The following SMCHD1 variants were observed in gnomAD, a reference collection of about 807,000 sequenced individuals.
SMCHD1 encodes structural maintenance of chromosomes flexible hinge domain-containing protein 1.
A neutral mutation model predicts 254.7 loss-of-function variants in SMCHD1; 78 were observed. The ratio of observed to expected loss-of-function variants is 0.31; its 90% CI spans 0.26 to 0.37. SMCHD1 has a LOEUF of 0.37. Among genes scored for constraint, SMCHD1 ranks in the 10% least tolerant of loss-of-function variants. The pLI is 1.00. For synonymous variants in SMCHD1, 766 were observed against 794.9 expected (o/e 0.96, Z 0.61); for missense variants, 1,840 against 2,408.1 (o/e 0.76, Z 4.94).
At chr18:2,669,635 A>G (rs1477202105) in intron 3 of SMCHD1, among the ~76,000 whole-genome samples, 2 of 152,184 alleles carry the variant, frequency 1.3e-5, no homozygotes, top group Non-Finnish European at 2.9e-5. Context: ...TAACATCATT[A>G]CAGAAGTGAC....
At chr18:2,790,781 A>G (rs1317750914) in intron 45 of SMCHD1, among the ~76,000 whole-genome samples, 1 of 152,212 alleles carries the variant, frequency 6.6e-6, no homozygotes, top group African/African-American at 2.4e-5. Context: ...ATACCACAGT[A>G]CAGGTAGAAG....
intron 12 of SMCHD1, among the ~76,000 whole-genome samples, chr18:2,701,702 T>G (rs1412877102): frequency 6.6e-6 from 1 of 152,228 alleles, no homozygotes; most frequent in Non-Finnish European, 1.5e-5. Context: ...AAGAATGATT[T>G]CACTTTGAAA....
chr18:2,781,832 G>A (rs1244996703), intron 44 of SMCHD1, among the ~76,000 whole-genome samples: 2 of 152,154 alleles, frequency 1.3e-5, no homozygotes, highest in Admixed American at 6.6e-5. Flanking sequence ...AAAATGGAAT[G>A]TAAGACAAAG....
intron 4 of SMCHD1, 62 bp downstream of exon 4, chr18:2,673,425 T>C: frequency 8.9e-6 from 10 of 1,129,414 alleles, no homozygotes; most frequent in Non-Finnish European, 1.1e-5. Flanking sequence ...TAAAAGTTTA[T>C]TGGAGAAAAT....
Position 2,747,604 on chromosome 18 carries a change from TACA to T in SMCHD1, c.3888_3890del (p.Gln1296del). The T allele has an allele frequency of 6.2e-7, 1 of 1,607,492 alleles. No individual in the cohort carries two copies. The highest frequency in any genetic ancestry group is 8.5e-7 in the Non-Finnish European group (1 of 1,176,146). On this transcript the variant is annotated inframe_deletion, in exon 30 of 48. Coordinates refer to ENST00000320876, the MANE Select transcript of SMCHD1 (RefSeq NM_015295.3). The stretch of plus-strand genomic sequence containing the variant: ...GATCAGTGGGATAATCCAGCACCGG[TACA>T]ACATGTTAAAATAAGTCTTACAAAA...
intron 25 of SMCHD1, among the ~76,000 whole-genome samples, chr18:2,734,921 T>G (rs2075217997): frequency 6.6e-6 from 1 of 151,410 alleles, no homozygotes; most frequent in Non-Finnish European, 1.5e-5. Context: ...AATACAAAAA[T>G]TTAGCCAGGC....
chr18:2,747,602 G>C lies in SMCHD1; in HGVS notation c.3882G>C (p.Pro1294=). 1 of 1,606,570 alleles carries C rather than the reference G, an allele frequency of 6.2e-7. No homozygotes were observed. The highest frequency in any genetic ancestry group is 1.1e-5 in the South Asian group (1 of 90,006). Residue 1294 remains proline (P), a synonymous_variant, in exon 30 of 48, where the codon CCG becomes CCC. Coordinates refer to ENST00000320876, the MANE Select transcript of SMCHD1 (RefSeq NM_015295.3). ...GTGATCAGTGGGATAATCCAGCACC[G>C]GTACAACATGTTAAAATAAGTCTTA... The part of the protein sequence containing the change: ...QLCDQWDNPA[P]VQHVKISLTK...
In SMCHD1 at chr18:2,778,219, G is replaced by A. The variant is rs867875905; in HGVS notation, c.5527G>A (p.Ala1843Thr). 1 of 1,608,278 alleles carries A rather than the reference G, an allele frequency of 6.2e-7. No individual in the cohort carries two copies. The highest frequency in any genetic ancestry group is 8.5e-7 in the Non-Finnish European group (1 of 1,176,548). The change falls in exon 44 of 48, where the codon GCC (alanine) becomes ACC (threonine). Residue 1843 changes from alanine (A) to threonine (T), a missense_variant. By Grantham distance (58) the Ala-to-Thr change is moderately conservative (BLOSUM62 0). Coordinates refer to ENST00000320876, the MANE Select transcript of SMCHD1 (RefSeq NM_015295.3). ...CATTATTTTGGATAATCTGGATGCG[G>A]CCAATCATTATAGAAAAGAGGTATG... ...DTIILDNLDA[A>T]NHYRKEVVKI...
chr18:2,712,004 C>A (rs962857979), intron 17 of SMCHD1, among the ~76,000 whole-genome samples: 4 of 152,308 alleles, frequency 2.6e-5, no homozygotes, highest in African/African-American at 7.2e-5. Context: ...TGAGTGGAAG[C>A]AGCCTGAGGC....
At chr18:2,681,198 A>G (rs529209420) in intron 5 of SMCHD1, among the ~76,000 whole-genome samples, 3 of 152,202 alleles carry the variant, frequency 2.0e-5, no homozygotes, top group Admixed American at 2.0e-4. Flanking sequence ...GGATCACCTG[A>G]GGTCAGGAGT....
At chr18:2,757,308 T>C (rs1418565497) in intron 34 of SMCHD1, among the ~76,000 whole-genome samples, 3 of 152,176 alleles carry the variant, frequency 2.0e-5, no homozygotes, top group African/African-American at 7.2e-5. Context: ...ACTCCTGGAT[T>C]CAAGCAATCC....
At chr18:2,722,733 A>G (rs1276988876) in intron 20 of SMCHD1, 70 bp downstream of exon 20, 3 of 1,392,352 alleles carry the variant, frequency 2.2e-6, no homozygotes, top group Non-Finnish European at 2.9e-6. Context: ...TTTCAGCTTC[A>G]TTTTTTTTGT....
intron 20 of SMCHD1, among the ~76,000 whole-genome samples, chr18:2,724,557 T>G (rs944855896): frequency 6.6e-6 from 1 of 152,202 alleles, no homozygotes; most frequent in African/African-American, 2.4e-5. Flanking sequence ...CTGGCTTCTT[T>G]AGGTATTTAT....
intron 3 of SMCHD1, among the ~76,000 whole-genome samples, chr18:2,671,375 AAAACCCTATCAGTTG>A (rs1374426255): frequency 6.6e-6 from 1 of 152,180 alleles, no homozygotes; most frequent in African/African-American, 2.4e-5. Flanking sequence ...AAATGATATG[AAAACCCTATCAGTTG>A]AAACCATATC....
intron 45 of SMCHD1, among the ~76,000 whole-genome samples, chr18:2,794,429 C>T (rs2076223537): frequency 6.6e-6 from 1 of 152,222 alleles, no homozygotes; most frequent in Middle Eastern, 3.4e-3. Flanking sequence ...TCACCTGAGC[C>T]CAGGAAGTTG....
At chr18:2,716,831 C>T (rs531997057) in intron 17 of SMCHD1, among the ~76,000 whole-genome samples, 2 of 152,316 alleles carry the variant, frequency 1.3e-5, no homozygotes, top group Non-Finnish European at 2.9e-5. Context: ...CCAGCCAAGT[C>T]ACAGGCAGTC....
intron 47 of SMCHD1, 47 bp from the exon 48 acceptor site, chr18:2,802,481 G>A: frequency 6.7e-7 from 1 of 1,490,070 alleles, no homozygotes; most frequent in Non-Finnish European, 9.1e-7. Context: ...TTCAGGGAAA[G>A]GAAACCTTTG....
Position 2,740,800 on chromosome 18 carries a change from A to C in SMCHD1, c.3612A>C (p.Ser1204=). The change falls in exon 28 of 48, where the codon TCA becomes TCC. Residue 1204 remains serine, a synonymous_variant. Coordinates refer to ENST00000320876, the MANE Select transcript of SMCHD1 (RefSeq NM_015295.3). ...TTGCTGGGGTTGGACTTGATAGCTC[A>C]AATTTGAAAACAACCTTTCAGGTAT... ...LSIAGVGLDS[S]NLKTTFQENT... 6.2e-7 allele frequency: 1 copy of C among 1,605,406 alleles called. No individual in the cohort carries two copies. Among genetic ancestry groups the C allele is most frequent in the South Asian group, 1.1e-5 (1 of 89,832 alleles).
chr18:2,663,721 A>T (rs2073358152), intron 1 of SMCHD1, among the ~76,000 whole-genome samples: 2 of 146,450 alleles, frequency 1.4e-5, no homozygotes, highest in Admixed American at 6.8e-5. Context: ...TATTCCAGGA[A>T]TTTTTTTTTT....
Sources: gnomAD v4.1 joint callset for allele counts (sites outside exome capture counted in the v4.1 genomes callset) on GRCh38, gnomAD v4.1.1 for gene constraint, MANE v1.5 for transcripts, NCBI Gene and HGNC (gene_info 2026-07-23, HGNC 2026-07-21) for gene names.